The following ZYG11B variants were observed in gnomAD, a reference collection of about 807,000 sequenced individuals.
The protein encoded by ZYG11B is protein zyg-11 homolog B.
Under a neutral mutation model 82.4 loss-of-function variants are expected in ZYG11B, and 36 were observed. The ratio of observed to expected loss-of-function variants is 0.44; its 90% CI spans 0.33 to 0.58. The LOEUF (loss-of-function observed/expected upper bound fraction) is 0.58, where lower values mean the gene tolerates loss of function less well. Among genes scored for constraint, ZYG11B ranks in the 20% least tolerant of loss-of-function variants. ZYG11B has a pLI of 0.02. For synonymous variants in ZYG11B, 303 were observed against 312.8 expected, an observed-to-expected ratio of 0.97 and a Z score of 0.33; for missense variants, 552 against 895.6, an observed-to-expected ratio of 0.62 and a Z score of 4.90.
In ZYG11B at chr1:52,771,179, T is replaced by C. The variant is rs1300706321; in HGVS notation, c.356T>C (p.Ile119Thr). ...GATGCCACAGGTGTGAATGCTGATA[T>C]CACGATTACAGACATTATCAGTGGG... Reference protein sequence around the residue: ...ELDATGVNADITITDIISGLG... With the variant: ...ELDATGVNADTTITDIISGLG... Residue 119 changes from isoleucine (I) to threonine (T), a missense_variant, in exon 3 of 14, where the codon ATC becomes ACC. Transcript: ENST00000294353. The surrounding 1 kb of genome is among the most constrained non-coding windows in gnomAD (Gnocchi z 5.4). The C allele has an allele frequency of 7.4e-6, 12 of 1,614,238 alleles. No homozygotes were observed. Among genetic ancestry groups the C allele is most frequent in the South Asian group, 1.1e-5 (1 of 91,090 alleles).
At chr1:52,784,629 G>A (rs1009573801) in intron 4 of ZYG11B, among the ~76,000 whole-genome samples, 2 of 152,076 alleles carry the variant, frequency 1.3e-5, no homozygotes, top group African/African-American at 4.8e-5. Context: ...AAAGATGAGT[G>A]ACCTGTGTGA....
intron 5 of ZYG11B, 118 bp downstream of exon 5, chr1:52,785,171 A>G (rs960746628): frequency 4.5e-5 from 50 of 1,113,578 alleles, no homozygotes; most frequent in Non-Finnish European, 6.2e-5. Flanking sequence ...CTGTGGTATG[A>G]CTGAGTGTAA....
At chr1:52,797,100 TA>T (rs536530925) in intron 8 of ZYG11B, among the ~76,000 whole-genome samples, 78 of 72,222 alleles carry the variant, frequency 1.1e-3, no homozygotes, top group African/African-American at 6.6e-3. Context: ...ATATATTACA[TA>T]TTGTATATAT....
chr1:52,760,760 CTTT>C (rs35437248), intron 2 of ZYG11B, among the ~76,000 whole-genome samples: 5 of 104,626 alleles, frequency 4.8e-5, no homozygotes, highest in African/African-American at 4.4e-5. Context: ...GCCTGGCCTA[CTTT>C]TTTTTTTTTT....
At chr1:52,774,706 G>T (rs1644789742) in intron 3 of ZYG11B, among the ~76,000 whole-genome samples, 1 of 147,392 alleles carries the variant, frequency 6.8e-6, no homozygotes. Flanking sequence ...GGGATTATAG[G>T]TGTAAGCCCC....
intron 8 of ZYG11B, among the ~76,000 whole-genome samples, chr1:52,800,598 C>T (rs1396842346): frequency 1.3e-5 from 2 of 151,988 alleles, no homozygotes; most frequent in African/African-American, 4.8e-5. Context: ...TACCTGAGAT[C>T]AGGAGTTCGA....
intron 10 of ZYG11B, among the ~76,000 whole-genome samples, chr1:52,803,910 T>G (rs1645119681): frequency 6.6e-6 from 1 of 152,136 alleles, no homozygotes; most frequent in African/African-American, 2.4e-5. Flanking sequence ...TGGCCTTGTG[T>G]TTCACTTTTA....
chr1:52,802,819 G>C (rs1322622255), intron 10 of ZYG11B, among the ~76,000 whole-genome samples: 1 of 151,378 alleles, frequency 6.6e-6, no homozygotes, highest in African/African-American at 2.4e-5. Context: ...AGGAGATCAC[G>C]ACCATCCTGG....
At chr1:52,730,186 A>T (rs1644318090) in intron 1 of ZYG11B, among the ~76,000 whole-genome samples, 1 of 152,170 alleles carries the variant, frequency 6.6e-6, no homozygotes. Context: ...TCTAAGACAT[A>T]GTCCTTACTT....
At chr1:52,817,394 CTTAT>C (rs1332922398) in intron 13 of ZYG11B, among the ~76,000 whole-genome samples, 7 of 151,918 alleles carry the variant, frequency 4.6e-5, no homozygotes, top group South Asian at 4.2e-4. Flanking sequence ...CGATGTAACT[CTTAT>C]TTATTTATTT....
chr1:52,784,874 C>T lies in ZYG11B; in HGVS notation c.1093-3C>T. On this transcript the variant is annotated splice_region_variant and splice_polypyrimidine_tract_variant and intron_variant, in intron 4 of 13. Transcript: ENST00000294353. ...ATTAAGAGGACTAATTTTTTTTTTC[C>T]AGCTTGTGGTTACTGGGATGAGAAA... 2.5e-6 allele frequency: 4 copies of T among 1,598,012 alleles called. No individual in the cohort carries two copies. The highest frequency in any genetic ancestry group is 2.3e-5 in the South Asian group (2 of 87,938).
intron 2 of ZYG11B, among the ~76,000 whole-genome samples, chr1:52,760,217 C>T (rs1465641704): frequency 6.6e-6 from 1 of 152,136 alleles, no homozygotes; most frequent in Admixed American, 6.6e-5. Flanking sequence ...CCAAGGCAGG[C>T]GATCCGCCTG....
chr1:52,749,622 A>C (rs979645782), intron 1 of ZYG11B, among the ~76,000 whole-genome samples: 16 of 151,894 alleles, frequency 1.1e-4, no homozygotes, highest in Admixed American at 1.0e-3. Flanking sequence ...TATTTTTTTG[A>C]GATGGAGTTT....
At position 52,772,341 on chromosome 1, in the gene ZYG11B, C is replaced by T; in HGVS notation, c.951+567C>T. 2.0e-6 allele frequency: 3 copies of T among 1,495,252 alleles called. No homozygotes were observed. The South Asian group carries it at 3.4e-5, about 17-fold the overall frequency. The allele number at this position is 1,495,252 out of a possible 1,614,324, so 92.6% of individuals were successfully genotyped here. On this transcript the variant is annotated intron_variant, in intron 3 of 13. Coordinates refer to ENST00000294353, the MANE Select transcript of ZYG11B (RefSeq NM_024646.3). ...TAGCATCCTTATCCTTTCTGTTCCT[C>T]TCAAGATGCTTTGAACAGCAACTGC...
At chr1:52,731,738 TTG>T (rs375988399) in intron 1 of ZYG11B, among the ~76,000 whole-genome samples, 4 of 152,134 alleles carry the variant, frequency 2.6e-5, no homozygotes, top group Non-Finnish European at 4.4e-5. Flanking sequence ...TAAAGTGATA[TTG>T]TGTGTGTGTG....
chr1:52,746,605 A>G (rs1644478052), intron 1 of ZYG11B, among the ~76,000 whole-genome samples: 1 of 150,654 alleles, frequency 6.6e-6, no homozygotes, highest in Admixed American at 6.7e-5. Flanking sequence ...GGCAAACTTT[A>G]CTTGAAAAAT....
chr1:52,782,291 T>C (rs571760826), intron 4 of ZYG11B, among the ~76,000 whole-genome samples: 1 of 152,232 alleles, frequency 6.6e-6, no homozygotes, highest in East Asian at 1.9e-4. Context: ...GGAAACCCAC[T>C]GTGTTGCCCA....
chr1:52,790,773 C>CTTTTTTTT, intron 6 of ZYG11B, among the ~76,000 whole-genome samples: 4 of 77,684 alleles, frequency 5.1e-5, no homozygotes, highest in Non-Finnish European at 6.7e-5. Flanking sequence ...GTCCAGTGTT[C>CTTTTTTTT]TTTTTTTTTT....
intron 10 of ZYG11B, among the ~76,000 whole-genome samples, chr1:52,803,075 T>C (rs1268085065): frequency 2.7e-5 from 2 of 75,426 alleles, no homozygotes; most frequent in Non-Finnish European, 4.9e-5. Flanking sequence ...CCACTATATA[T>C]ATATATATAC....
Sources: allele counts gnomAD v4.1 joint callset (sites outside exome capture counted in the v4.1 genomes callset), GRCh38; gene constraint gnomAD v4.1.1; non-coding constraint Gnocchi (gnomAD v3.1); transcripts MANE v1.5; gene names NCBI Gene and HGNC (gene_info 2026-07-23, HGNC 2026-07-21).